Variants in TBC1D22B observed in about 807,000 individuals in gnomAD.
TBC1D22B encodes the protein TBC1 domain family member 22B, also known as chromosome 6 open reading frame 197.
TBC1D22B carries 32 observed loss-of-function variants against 69.1 expected under a neutral mutation model. The observed-to-expected ratio is 0.46, with a 90% CI of 0.35 to 0.62. TBC1D22B has a LOEUF of 0.62. Among genes scored for constraint, TBC1D22B ranks in the 20% least tolerant of loss-of-function variants. TBC1D22B has a pLI of 0.00. For missense variants in TBC1D22B, 462 were observed against 630.9 expected (o/e 0.73, Z 2.87); for synonymous variants, 206 against 229.8 (o/e 0.90, Z 0.94).
Position 37,282,342 on chromosome 6 carries a change from C to A in TBC1D22B, c.579C>A (p.Leu193=). 6.2e-7 allele frequency: 1 copy of A among 1,609,652 alleles called. No individual in the cohort carries two copies. The highest frequency in any genetic ancestry group is 1.1e-5 in the South Asian group (1 of 90,270). Reference sequence around the variant, plus strand: ...GCCTAGAAAAATTCCGTCAACTTCTCTCCAGCCAGAACACTGACTTAGGTG... The same window carrying A: ...GCCTAGAAAAATTCCGTCAACTTCTATCCAGCCAGAACACTGACTTAGGTG... The part of the protein sequence containing the change: ...KTRLEKFRQL[L]SSQNTDLDEL... Residue 193 remains leucine (L), a synonymous_variant, in exon 4 of 13, where the codon CTC becomes CTA. Coordinates refer to ENST00000373491, the MANE Select transcript of TBC1D22B (RefSeq NM_017772.4).
intron 2 of TBC1D22B, among the ~76,000 whole-genome samples, chr6:37,274,773 G>A (rs562859827): frequency 5.9e-5 from 9 of 152,270 alleles, no homozygotes; most frequent in African/African-American, 2.2e-4. Context: ...GGTTAGGGTG[G>A]GGCATGGTGG....
chr6:37,306,288 T>A (rs1338290568), intron 8 of TBC1D22B, among the ~76,000 whole-genome samples: 1 of 152,168 alleles, frequency 6.6e-6, no homozygotes, highest in South Asian at 2.1e-4. Context: ...ACCCCAGGGA[T>A]AAGTGAGAAA....
At chr6:37,266,248 A>G (rs539651776) in intron 1 of TBC1D22B, among the ~76,000 whole-genome samples, 1 of 152,304 alleles carries the variant, frequency 6.6e-6, no homozygotes, top group South Asian at 2.1e-4. Flanking sequence ...ATCATCTTCC[A>G]GTCATCTGGT....
intron 12 of TBC1D22B, among the ~76,000 whole-genome samples, chr6:37,327,056 A>G (rs1037233813): frequency 2.0e-5 from 3 of 152,128 alleles, no homozygotes; most frequent in Non-Finnish European, 4.4e-5. Context: ...TTGTTGTGGG[A>G]TAGGGACATG....
intron 1 of TBC1D22B, among the ~76,000 whole-genome samples, chr6:37,266,391 T>C (rs1242628394): frequency 1.3e-5 from 2 of 152,196 alleles, no homozygotes; most frequent in African/African-American, 2.4e-5. Flanking sequence ...AATGGTGTCA[T>C]ACATGTAGTT....
intron 6 of TBC1D22B, 43 bp downstream of exon 6, chr6:37,284,507 CT>C: frequency 6.6e-7 from 1 of 1,524,870 alleles, no homozygotes; most frequent in Non-Finnish European, 8.8e-7. Context: ...CAGTCATATA[CT>C]TTAGGTATGT....
intron 7 of TBC1D22B, among the ~76,000 whole-genome samples, chr6:37,290,534 T>C (rs1245053469): frequency 1.3e-5 from 2 of 152,194 alleles, no homozygotes; most frequent in African/African-American, 4.8e-5. Flanking sequence ...AGTGTAGGCC[T>C]CTGGCTTCTT....
intron 8 of TBC1D22B, among the ~76,000 whole-genome samples, chr6:37,310,817 C>T (rs1767887618): frequency 6.6e-6 from 1 of 151,696 alleles, no homozygotes; most frequent in Admixed American, 6.6e-5. Flanking sequence ...CTCTTTTTTC[C>T]TAAAATACTG....
Position 37,311,910 on chromosome 6 carries a change from A to G in TBC1D22B, c.983-1008A>G, listed in dbSNP as rs1486749593. Among the ~76,000 whole-genome samples the G allele has an allele frequency of 2.0e-5, 3 of 152,110 alleles. No individual in the cohort carries two copies. The South Asian group carries it at 6.2e-4, about 32-fold the overall frequency. On this transcript the variant is annotated intron_variant, in intron 8 of 12. Transcript: ENST00000373491. ...TTGGGCAAACACAGCACTTCTTACT[A>G]CTTCACCTCTCTGTGACAGGAAGTG...
intron 3 of TBC1D22B, among the ~76,000 whole-genome samples, chr6:37,280,169 GT>G (rs1766781396): frequency 6.6e-6 from 1 of 152,202 alleles, no homozygotes; most frequent in Non-Finnish European, 1.5e-5. Flanking sequence ...AGGCCTCTCT[GT>G]TTCTTTTCGG....
chr6:37,291,382 A>T, intron 8 of TBC1D22B, 25 bp downstream of exon 8: 1 of 1,490,610 alleles, frequency 6.7e-7, no homozygotes, highest in Non-Finnish European at 9.2e-7. Context: ...TACCAAGCTG[A>T]ACAAGCTATT....
chr6:37,284,806 C>T (rs1766952565), intron 6 of TBC1D22B, among the ~76,000 whole-genome samples: 1 of 152,194 alleles, frequency 6.6e-6, no homozygotes, highest in African/African-American at 2.4e-5. Flanking sequence ...TTCTGATGTG[C>T]TCCCTTGCAA....
chr6:37,268,164 T>C (rs1447825368), intron 1 of TBC1D22B, among the ~76,000 whole-genome samples: 1 of 152,200 alleles, frequency 6.6e-6, no homozygotes, highest in Non-Finnish European at 1.5e-5. Flanking sequence ...GTAGTTTTTT[T>C]TCACTTTTAT....
At chr6:37,292,959 ACC>A (rs1188562894) in intron 8 of TBC1D22B, among the ~76,000 whole-genome samples, 1 of 151,280 alleles carries the variant, frequency 6.6e-6, no homozygotes, top group African/African-American at 2.4e-5. Context: ...ATTTGTGGCA[ACC>A]CTGTGTTGAG....
chr6:37,273,183 CAAAAAAAAAAAAA>C (rs58720560), intron 2 of TBC1D22B, among the ~76,000 whole-genome samples: 3 of 77,276 alleles, frequency 3.9e-5, no homozygotes, highest in South Asian at 5.8e-4. Flanking sequence ...AACCCCGAGG[CAAAAAAAAAAAAA>C]AAAAAAAAAC....
intron 12 of TBC1D22B, among the ~76,000 whole-genome samples, chr6:37,326,429 CT>C (rs1193079719): frequency 1.3e-5 from 2 of 150,066 alleles, no homozygotes; most frequent in Non-Finnish European, 3.0e-5. Context: ...CCTTTGTTGG[CT>C]GTTCTTGTTT....
intron 12 of TBC1D22B, among the ~76,000 whole-genome samples, chr6:37,327,196 G>GAAATGAT (rs1554188092): frequency 7.0e-6 from 1 of 142,616 alleles, no homozygotes; most frequent in African/African-American, 2.8e-5. Flanking sequence ...AGTTGAGATA[G>GAAATGAT]GGCCGGGCGC....
intron 1 of TBC1D22B, among the ~76,000 whole-genome samples, chr6:37,265,575 C>G (rs1295170832): frequency 6.6e-6 from 1 of 151,790 alleles, no homozygotes; most frequent in Admixed American, 6.6e-5. Flanking sequence ...TCTAACACCC[C>G]CTTCCTCTCT....
At chr6:37,317,410 T>A (rs1240129709) in intron 12 of TBC1D22B, among the ~76,000 whole-genome samples, 1 of 152,182 alleles carries the variant, frequency 6.6e-6, no homozygotes, top group African/African-American at 2.4e-5. Flanking sequence ...GAAGGGTGTT[T>A]GTGCCAGAAT....
Sources: allele counts gnomAD v4.1 joint callset (sites outside exome capture counted in the v4.1 genomes callset), GRCh38; gene constraint gnomAD v4.1.1; transcripts MANE v1.5; gene names NCBI Gene and HGNC (gene_info 2026-07-23, HGNC 2026-07-21).